The following CMIP variants were observed in gnomAD, a reference collection of about 807,000 sequenced individuals.
The protein encoded by CMIP is C-Maf-inducing protein.
A neutral mutation model predicts 97.3 loss-of-function variants in CMIP; 13 were observed. That is an observed-to-expected ratio of 0.13 (90% CI 0.09 to 0.21). The LOEUF is 0.21. Ranked by LOEUF, CMIP falls within the 10% of genes least tolerant of loss-of-function variation. The pLI is 1.00. For synonymous variants in CMIP, 538 were observed against 436.3 expected (o/e 1.23, Z -2.91); for missense variants, 847 against 1,024.9 (o/e 0.83, Z 2.37).
At chr16:81,706,577 C>A (rs774108523) in intron 19 of CMIP, among the ~76,000 whole-genome samples, 2 of 152,250 alleles carry the variant, frequency 1.3e-5, no homozygotes, top group Admixed American at 6.5e-5. Flanking sequence ...GTGGAGGGGT[C>A]TGCCCCCCGT....
intron 1 of CMIP, among the ~76,000 whole-genome samples, chr16:81,514,664 A>G (rs1237304970): frequency 6.6e-6 from 1 of 152,178 alleles, no homozygotes; most frequent in Non-Finnish European, 1.5e-5. Context: ...GCCCAGGAGA[A>G]GGTCATGGCT....
At chr16:81,683,897 G>A (rs1278143462) in intron 10 of CMIP, among the ~76,000 whole-genome samples, 2 of 150,846 alleles carry the variant, frequency 1.3e-5, no homozygotes, top group Non-Finnish European at 3.0e-5. Flanking sequence ...CAGTAGCTGG[G>A]ATACAGGCAT....
At chr16:81,455,221 G>A (rs999417988) in intron 1 of CMIP, among the ~76,000 whole-genome samples, 3 of 152,192 alleles carry the variant, frequency 2.0e-5, no homozygotes, top group Non-Finnish European at 4.4e-5. Flanking sequence ...CCAGGACCAG[G>A]CAGTTAGTCA....
In CMIP at chr16:81,499,269, C is replaced by T. The variant is rs1174849307; in HGVS notation, c.300+53728C>T. Among the ~76,000 whole-genome samples, 3 of 152,286 alleles carry T rather than the reference C, an allele frequency of 2.0e-5. No homozygotes were observed. The East Asian group carries it at 5.8e-4, about 29-fold the overall frequency. ...GGCCATGAGCACTCAATCTCAAGGTCATGGATGCACATGCCTCACACCTAT... is the reference window on the plus strand; with the variant it reads ...GGCCATGAGCACTCAATCTCAAGGTTATGGATGCACATGCCTCACACCTAT... On this transcript the variant is annotated intron_variant, in intron 1 of 20. Transcript: ENST00000537098.
rs1328298798 is a variant in CMIP, at chr16:81,614,928, ATCTC to A, written c.427-5946_427-5943del. 7.0e-6 allele frequency among the ~76,000 whole-genome samples: 1 copy of A among 142,376 alleles called. No individual in the cohort carries two copies. The highest frequency in any genetic ancestry group is 2.1e-4 in the East Asian group (1 of 4,764). The allele number at this position is 142,376 out of a possible 152,430, so 93.4% of individuals were successfully genotyped here. A position where few individuals can be genotyped will look rare whatever the true frequency, so the allele number is the denominator to read the frequency against. ...TCTATATGTGGTGTGCATAGTGTGT[ATCTC>A]TGTGTGTGGTGTGTGCATGTGTGTG... On this transcript the variant is annotated intron_variant, in intron 2 of 20. Coordinates refer to ENST00000537098, the MANE Select transcript of CMIP (RefSeq NM_198390.3). This position sits in a 1 kb window ranked among gnomAD's most constrained non-coding sequence, Gnocchi z 5.3.
At chr16:81,633,641 T>G (rs940561974) in intron 3 of CMIP, among the ~76,000 whole-genome samples, 3 of 152,200 alleles carry the variant, frequency 2.0e-5, no homozygotes, top group Non-Finnish European at 4.4e-5. Flanking sequence ...ACAGACTGTT[T>G]TGCAGAAAGC....
intron 1 of CMIP, among the ~76,000 whole-genome samples, chr16:81,555,068 C>T (rs922173775): frequency 2.0e-5 from 3 of 152,136 alleles, no homozygotes; most frequent in Admixed American, 2.0e-4. Context: ...CATCAGTCTT[C>T]CCAGCCACAG....
intron 10 of CMIP, 149 bp downstream of exon 10, chr16:81,678,777 G>C: frequency 1.7e-6 from 1 of 597,360 alleles, no homozygotes; most frequent in South Asian, 2.0e-5. Context: ...GCTGGTGTGT[G>C]CAAGAGTGTG....
At chr16:81,612,180 C>T (rs777521803) in intron 2 of CMIP, among the ~76,000 whole-genome samples, 1 of 152,190 alleles carries the variant, frequency 6.6e-6, no homozygotes, top group Non-Finnish European at 1.5e-5. Context: ...CATTAAAGAG[C>T]AGCGCGGCGC....
chr16:81,630,820 C>G (rs1339435713), intron 3 of CMIP: 1 of 152,322 alleles, frequency 6.6e-6, no homozygotes, highest in African/African-American at 2.4e-5. Flanking sequence ...CAGTGGAGAA[C>G]TGTGAAAGGA....
intron 1 of CMIP, among the ~76,000 whole-genome samples, chr16:81,542,894 G>A (rs751551425): frequency 2.0e-5 from 3 of 152,214 alleles, no homozygotes; most frequent in Non-Finnish European, 4.4e-5. Context: ...ACAATCCATA[G>A]CACCGTCCCT....
chr16:81,511,859 G>A (rs578187232), intron 1 of CMIP, among the ~76,000 whole-genome samples: 1 of 152,268 alleles, frequency 6.6e-6, no homozygotes, highest in East Asian at 1.9e-4. Context: ...ACTGCACCTG[G>A]CCTCTAGTTA....
chr16:81,544,325 T>A (rs1339769183), intron 1 of CMIP, among the ~76,000 whole-genome samples: 1 of 152,206 alleles, frequency 6.6e-6, no homozygotes, highest in Non-Finnish European at 1.5e-5. Flanking sequence ...ACTCAATTTT[T>A]TAATTGCAAA....
chr16:81,667,799 AGTGT>A lies in CMIP; in HGVS notation c.826-2304_826-2301del, dbSNP rs71146027. 8.6e-3 allele frequency among the ~76,000 whole-genome samples: 498 copies of A among 58,064 alleles called. 6 individuals carry two copies. Among genetic ancestry groups the A allele is most frequent in the Admixed American group, 0.02 (94 of 4,794 alleles). 38.1% of individuals were successfully genotyped at this position (58,064 alleles called of 152,430 possible). ...GAGAGAGAGAGAGAGAGAGAGAGAG[AGTGT>A]GTGTGTGTGTGTGTGTGTGTGTGTG... On this transcript the variant is annotated intron_variant, in intron 7 of 20. Coordinates refer to ENST00000537098, the MANE Select transcript of CMIP (RefSeq NM_198390.3).
rs536383276 is a variant in CMIP, at chr16:81,462,519, T to A, written c.300+16978T>A. Among the ~76,000 whole-genome samples, 23 of 152,298 alleles carry A rather than the reference T, an allele frequency of 1.5e-4. No individual in the cohort carries two copies. The East Asian group carries it at 4.2e-3, about 28-fold the overall frequency. ...ATGTAAGTGATAAAAAAAAAAATGTTTCATTAAGTAGAAAGATCAAGGTTT... is the reference window on the plus strand; with the variant it reads ...ATGTAAGTGATAAAAAAAAAAATGTATCATTAAGTAGAAAGATCAAGGTTT... On this transcript the variant is annotated intron_variant, in intron 1 of 20. Transcript: ENST00000537098.
intron 8 of CMIP, among the ~76,000 whole-genome samples, chr16:81,670,527 G>A (rs1355607735): frequency 6.9e-6 from 1 of 145,382 alleles, no homozygotes; most frequent in Non-Finnish European, 1.5e-5. Context: ...TCGGGTGCTT[G>A]AACAATCACC....
chr16:81,710,006 T>A lies in CMIP; in HGVS notation c.*207T>A, dbSNP rs1250474104. On this transcript the variant is annotated 3_prime_UTR_variant, in exon 21 of 21. Transcript: ENST00000537098. ...CCGCCGAATTCTTTTAGCTTCGTAA[T>A]TGGAACCTTTGACCTGATCTAAAGT... 1 of 525,312 alleles carries A rather than the reference T, an allele frequency of 1.9e-6. No homozygotes were observed. Among genetic ancestry groups the A allele is most frequent in the Non-Finnish European group, 3.4e-6 (1 of 294,008 alleles). 32.5% of individuals were successfully genotyped at this position (525,312 alleles called of 1,614,324 possible).
At chr16:81,557,949 C>T (rs1004384590) in intron 1 of CMIP, among the ~76,000 whole-genome samples, 9 of 152,186 alleles carry the variant, frequency 5.9e-5, no homozygotes, top group African/African-American at 2.2e-4. Flanking sequence ...ACTAACTCCC[C>T]ATTCCCCTCC....
At chr16:81,540,958 G>A (rs1052828931) in intron 1 of CMIP, among the ~76,000 whole-genome samples, 2 of 151,202 alleles carry the variant, frequency 1.3e-5, no homozygotes, top group Admixed American at 6.6e-5. Flanking sequence ...GGGATTACAG[G>A]TGTGAGCCAC....
Sources: allele counts gnomAD v4.1 joint callset (sites outside exome capture counted in the v4.1 genomes callset), GRCh38; gene constraint gnomAD v4.1.1; non-coding constraint Gnocchi (gnomAD v3.1); transcripts MANE v1.5; gene names NCBI Gene and HGNC (gene_info 2026-07-23, HGNC 2026-07-21).